The following MKLN1 variants were observed in gnomAD, a reference collection of about 807,000 sequenced individuals.
MKLN1 encodes the protein muskelin 1, also known as muskelin.
In MKLN1, 18 loss-of-function variants were observed where a neutral mutation model predicts 99.0. The observed-to-expected ratio is 0.18, with a 90% CI of 0.13 to 0.27. The LOEUF is 0.27. Ranked by LOEUF, MKLN1 falls within the 10% of genes least tolerant of loss-of-function variation. The pLI is 1.00. For synonymous variants in MKLN1, 288 were observed against 293.2 expected (o/e 0.98, Z 0.18); for missense variants, 621 against 875.9 (o/e 0.71, Z 3.67).
At chr7:131,407,958 A>G (rs1014932624) in intron 6 of MKLN1, among the ~76,000 whole-genome samples, 1 of 151,938 alleles carries the variant, frequency 6.6e-6, no homozygotes, top group Non-Finnish European at 1.5e-5. Context: ...CATCATTGTC[A>G]TCATCATCAT....
chr7:131,277,696 G>A (rs746962927), intron 3 of MKLN1, among the ~76,000 whole-genome samples: 6 of 151,894 alleles, frequency 4.0e-5, no homozygotes, highest in East Asian at 2.0e-4. Flanking sequence ...GACTACAGGC[G>A]TGAGCCATGG....
intron 16 of MKLN1, among the ~76,000 whole-genome samples, chr7:131,473,290 A>C (rs1034451911): frequency 6.6e-6 from 1 of 151,994 alleles, no homozygotes; most frequent in Non-Finnish European, 1.5e-5. Flanking sequence ...TGTTCTGTTT[A>C]TATGTTTTAC....
rs1208174369 is a variant in MKLN1 at position 131,466,304 on chromosome 7, G to A, written c.1817G>A (p.Gly606Glu). The A allele has an allele frequency of 6.2e-7, 1 of 1,602,448 alleles. No individual in the cohort carries two copies. The highest frequency in any genetic ancestry group is 1.3e-5 in the African/African-American group (1 of 74,716). ...KVHYLFGGNP[G>E]KSCSPKMRLD... ...CATTACTTATTTGGTGGGAATCCAG[G>A]AAAATCTTGCTCTCCAAAGATGAGA... Residue 606 changes from glycine to glutamate, a missense_variant, in exon 15 of 18, where the codon GGA becomes GAA. Around this residue, in one of 8 missense-constraint regions of MKLN1, gnomAD observed 126 missense variants for 157.4 expected, o/e 0.80. Transcript: ENST00000352689.
intron 12 of MKLN1, among the ~76,000 whole-genome samples, chr7:131,456,275 C>T (rs1449313699): frequency 2.0e-5 from 3 of 152,002 alleles, no homozygotes; most frequent in Non-Finnish European, 4.4e-5. Flanking sequence ...ATGCAGTTCA[C>T]ATGATCAATA....
chr7:131,171,554 T>C (rs998428817), intron 2 of MKLN1, among the ~76,000 whole-genome samples: 1 of 151,908 alleles, frequency 6.6e-6, no homozygotes, highest in African/African-American at 2.4e-5. Context: ...GCCTCATGGG[T>C]TCAAGCGATT....
At chr7:131,419,246 A>T (rs55742464) in intron 8 of MKLN1, among the ~76,000 whole-genome samples, 3,481 of 107,198 alleles carry the variant, frequency 0.032, 92 homozygotes, top group African/African-American at 0.076. Flanking sequence ...ATATATATAT[A>T]TTTTTGTTTT....
chr7:131,427,462 A>G (rs1248922294), intron 8 of MKLN1, among the ~76,000 whole-genome samples: 1 of 152,226 alleles, frequency 6.6e-6, no homozygotes, highest in Non-Finnish European at 1.5e-5. Flanking sequence ...TTTATTTAAC[A>G]TTAAAAGATA....
intron 3 of MKLN1, among the ~76,000 whole-genome samples, chr7:131,264,683 C>T (rs528527942): frequency 1.1e-3 from 162 of 151,654 alleles, no homozygotes; most frequent in African/African-American, 3.7e-3. Flanking sequence ...ATTGCTTATT[C>T]GTGTTTGTTT....
At chr7:131,232,809 G>A (rs1241601847) in intron 3 of MKLN1, among the ~76,000 whole-genome samples, 1 of 152,030 alleles carries the variant, frequency 6.6e-6, no homozygotes, top group Non-Finnish European at 1.5e-5. Flanking sequence ...CGATGCCACT[G>A]CACTCCAGCC....
At chr7:131,430,400 T>C (rs1795489721) in intron 9 of MKLN1, among the ~76,000 whole-genome samples, 1 of 152,178 alleles carries the variant, frequency 6.6e-6, no homozygotes, top group Admixed American at 6.5e-5. Context: ...GTTTCAGTAT[T>C]GAAGTACTGT....
intron 8 of MKLN1, among the ~76,000 whole-genome samples, chr7:131,417,940 T>A (rs1795071351): frequency 6.6e-6 from 1 of 152,232 alleles, no homozygotes; most frequent in African/African-American, 2.4e-5. Flanking sequence ...AACAGCATTC[T>A]TTTTAGGAAA....
At chr7:131,273,932 C>A (rs1035881956) in intron 3 of MKLN1, among the ~76,000 whole-genome samples, 5 of 152,126 alleles carry the variant, frequency 3.3e-5, no homozygotes, top group African/African-American at 1.2e-4. Context: ...CTATCTTGTT[C>A]ATCAATTCAC....
chr7:131,201,788 G>A (rs1264493100), intron 2 of MKLN1, among the ~76,000 whole-genome samples: 2 of 152,150 alleles, frequency 1.3e-5, no homozygotes, highest in African/African-American at 4.8e-5. Context: ...ACAAATGAGT[G>A]TTGCTAAGTT....
intron 1 of MKLN1, among the ~76,000 whole-genome samples, chr7:131,141,034 T>C (rs1239659739): frequency 1.3e-5 from 2 of 152,318 alleles, no homozygotes; most frequent in Admixed American, 6.5e-5. Flanking sequence ...TCCACCCACC[T>C]TGGCCTCCCA....
intron 2 of MKLN1, among the ~76,000 whole-genome samples, chr7:131,185,665 G>A (rs1347909942): frequency 6.6e-6 from 1 of 152,160 alleles, no homozygotes; most frequent in African/African-American, 2.4e-5. Flanking sequence ...TCATCCAGGG[G>A]TTGTGAACAT....
chr7:131,162,515 G>A (rs1273903922), intron 2 of MKLN1, among the ~76,000 whole-genome samples: 4 of 152,100 alleles, frequency 2.6e-5, no homozygotes, highest in South Asian at 2.1e-4. Context: ...CTGATCATTC[G>A]ATTGATAAAA....
Position 131,141,864 on chromosome 7 carries a change from G to A in MKLN1, c.-418-956G>A, listed in dbSNP as rs576075129. ...GTGAGGTTCCTGTAAGTGCTTACGG[G>A]GACCTTATTTTTTCTATTCACCTTT... On this transcript the variant is annotated intron_variant, in intron 1 of 7. Coordinates refer to the MKLN1 transcript ENST00000416992. Among the ~76,000 whole-genome samples, 5 of 152,144 alleles carry A rather than the reference G, an allele frequency of 3.3e-5. No homozygotes were observed. The South Asian group carries it at 8.3e-4, about 25-fold the overall frequency.
Position 131,388,901 on chromosome 7 carries a change from A to T in MKLN1, c.329A>T (p.Tyr110Phe), listed in dbSNP as rs1794112934. The T allele has an allele frequency of 3.1e-6, 5 of 1,610,194 alleles. No individual in the cohort carries two copies. In the East Asian group the frequency reaches 1.1e-4, roughly 36 times the overall value. Residue 110 changes from tyrosine to phenylalanine, a missense_variant, in exon 4 of 18, where the codon TAT becomes TTT. By Grantham distance (22) the Tyr-to-Phe change is conservative. Coordinates refer to ENST00000352689, the MANE Select transcript of MKLN1 (RefSeq NM_013255.5). ...ELLSSGLKND[Y>F]NKETFTLKHK... is the part of the protein sequence containing the mutation. ...TCCCACAGTGGCTTAAAGAATGATTATAACAAAGAAACATTCACCTTGAAG... is the reference window on the plus strand; with the variant it reads ...TCCCACAGTGGCTTAAAGAATGATTTTAACAAAGAAACATTCACCTTGAAG...
At position 131,264,246 on chromosome 7, in the gene MKLN1, T is replaced by C. The variant is rs151208004; in HGVS notation, c.-179+61272T>C. Among the ~76,000 whole-genome samples the C allele has an allele frequency of 1.5e-3, 226 of 152,294 alleles. 2 individuals are homozygous for C. Among genetic ancestry groups the C allele is most frequent in the African/African-American group, 4.9e-3 (203 of 41,574 alleles). On this transcript the variant is annotated intron_variant, in intron 3 of 7. Transcript: ENST00000416992. ...GAGAATCTTTTATGGCATTTTAAAA[T>C]AGCCCTGCCCTCCACTCCTCCCCTA...
Sources: gnomAD v4.1 joint callset for allele counts (sites outside exome capture counted in the v4.1 genomes callset) on GRCh38, gnomAD v4.1.1 for gene constraint, gnomAD v4.1.1 regional missense constraint, MANE v1.5 for transcripts, NCBI Gene and HGNC (gene_info 2026-07-23, HGNC 2026-07-21) for gene names.